The following SLC44A5 variants were observed in gnomAD, a reference collection of about 807,000 sequenced individuals.
SLC44A5 encodes choline transporter-like protein 5.
In SLC44A5, 57 loss-of-function variants were observed where a neutral mutation model predicts 101.8. The observed-to-expected ratio is 0.56, with a 90% CI of 0.45 to 0.70. The LOEUF (loss-of-function observed/expected upper bound fraction) is 0.70. Among genes scored for constraint, SLC44A5 ranks in the 30% least tolerant of loss-of-function variants. The pLI, the probability that SLC44A5 is intolerant of heterozygous loss-of-function variation, is 0.00. For synonymous variants in SLC44A5, 281 were observed against 290.9 expected (o/e 0.97, Z 0.35); for missense variants, 737 against 853.1 (o/e 0.86, Z 1.70).
chr1:75,635,598 T>C, the SLC44A5 span, among the ~76,000 whole-genome samples: 56 of 137,888 alleles, frequency 4.1e-4, no homozygotes, highest in South Asian at 6.8e-3. Context: ...TAGGTGGGAA[T>C]TGAACAATGA....
At chr1:75,641,839 A>G in the SLC44A5 span, 1 of 1,506,984 alleles carries the variant, frequency 6.6e-7, no homozygotes, top group South Asian at 1.1e-5. Flanking sequence ...GTTCCCTCAA[A>G]ATAACCTCCT....
intron 2 of SLC44A5, among the ~76,000 whole-genome samples, chr1:75,467,027 C>A (rs1188682632): frequency 1.3e-5 from 2 of 152,034 alleles, no homozygotes; most frequent in Admixed American, 1.3e-4. Context: ...GGTAACATTT[C>A]TATATGCCAA....
chr1:75,682,157 A>G, the SLC44A5 span, among the ~76,000 whole-genome samples: 2 of 152,338 alleles, frequency 1.3e-5, no homozygotes, highest in East Asian at 1.9e-4. Flanking sequence ...AAGAATCAAT[A>G]TCGTGAAAAT....
At chr1:75,406,132 G>C (rs1379730851) in intron 2 of SLC44A5, among the ~76,000 whole-genome samples, 1 of 152,030 alleles carries the variant, frequency 6.6e-6, no homozygotes, top group Non-Finnish European at 1.5e-5. Flanking sequence ...TAAATTCCTG[G>C]ACACATACAA....
chr1:75,311,004 A>G (rs896993236), intron 4 of SLC44A5, among the ~76,000 whole-genome samples: 2 of 152,088 alleles, frequency 1.3e-5, no homozygotes, highest in African/African-American at 4.8e-5. Flanking sequence ...GTATTAAAAT[A>G]TAAATTTTTA....
the SLC44A5 span, among the ~76,000 whole-genome samples, chr1:75,622,666 T>C: frequency 3.9e-5 from 6 of 152,082 alleles, no homozygotes; most frequent in East Asian, 1.9e-4. Context: ...TACATAGAGA[T>C]AGTTGTGTAT....
the SLC44A5 span, among the ~76,000 whole-genome samples, chr1:75,665,063 G>C: frequency 2.0e-5 from 3 of 151,888 alleles, no homozygotes; most frequent in South Asian, 6.2e-4. Flanking sequence ...ATGCTATTTC[G>C]ATCAAGCTAC....
At chr1:75,537,333 T>C (rs1479574868) in intron 2 of SLC44A5, among the ~76,000 whole-genome samples, 2 of 152,190 alleles carry the variant, frequency 1.3e-5, no homozygotes, top group Non-Finnish European at 1.5e-5. Flanking sequence ...CCCTCATCAG[T>C]TGAATAATAG....
chr1:75,271,908 G>T (rs1174354990), intron 6 of SLC44A5, among the ~76,000 whole-genome samples: 1 of 152,032 alleles, frequency 6.6e-6, no homozygotes, highest in East Asian at 1.9e-4. Context: ...TTCCATACTG[G>T]TTGTACTAAT....
chr1:75,330,509 T>C (rs1389283865), intron 4 of SLC44A5, among the ~76,000 whole-genome samples: 1 of 152,176 alleles, frequency 6.6e-6, no homozygotes, highest in Non-Finnish European at 1.5e-5. Flanking sequence ...CTGCTTCCAT[T>C]GTAGGCAAGA....
intron 2 of SLC44A5, among the ~76,000 whole-genome samples, chr1:75,509,096 G>C (rs914959988): frequency 6.6e-6 from 1 of 152,220 alleles, no homozygotes; most frequent in Non-Finnish European, 1.5e-5. Context: ...TTCAGAAGCA[G>C]TTGATTTTTC....
At chr1:75,693,805 G>T in the SLC44A5 span, among the ~76,000 whole-genome samples, 2 of 152,118 alleles carry the variant, frequency 1.3e-5, no homozygotes, top group Admixed American at 6.6e-5. Context: ...CCAGAAGGAG[G>T]AAGTGATCAG....
chr1:75,272,081 T>C (rs942011852), intron 6 of SLC44A5, among the ~76,000 whole-genome samples: 1 of 152,204 alleles, frequency 6.6e-6, no homozygotes, highest in African/African-American at 2.4e-5. Flanking sequence ...TTGGGCATTT[T>C]TTCATATGTT....
chr1:75,687,355 G>C, the SLC44A5 span, among the ~76,000 whole-genome samples: 1 of 152,202 alleles, frequency 6.6e-6, no homozygotes, highest in East Asian at 1.9e-4. Context: ...ACAGGCTGGA[G>C]TGCAGTGGCA....
At position 75,506,300 on chromosome 1, in the gene SLC44A5, G is replaced by A. The variant is rs1570472681; in HGVS notation, c.13+35135C>T. On this transcript the variant is annotated intron_variant, in intron 2 of 23. Coordinates refer to ENST00000370859, the MANE Select transcript of SLC44A5 (RefSeq NM_001130058.2). Reference sequence around the variant, plus strand: ...TGGATCATGTGATGCCTCAAGCTTTGTTCTTTTTGCTTAGGATTACTTTGG... The same window carrying A: ...TGGATCATGTGATGCCTCAAGCTTTATTCTTTTTGCTTAGGATTACTTTGG... Among the ~76,000 whole-genome samples the A allele has an allele frequency of 1.3e-5, 2 of 152,202 alleles. 1 individual carries two copies. Among genetic ancestry groups the A allele is most frequent in the African/African-American group, 4.8e-5 (2 of 41,546 alleles).
intron 2 of SLC44A5, among the ~76,000 whole-genome samples, chr1:75,534,100 G>C (rs1670870207): frequency 6.6e-6 from 1 of 152,134 alleles, no homozygotes; most frequent in African/African-American, 2.4e-5. Context: ...ACTCGAGACA[G>C]GCATTATCAA....
intron 5 of SLC44A5, among the ~76,000 whole-genome samples, chr1:75,282,337 T>C (rs1652673409): frequency 6.6e-6 from 1 of 152,230 alleles, no homozygotes; most frequent in Admixed American, 6.5e-5. Context: ...ATCCCTATTA[T>C]ATCTAGGAAG....
At chr1:75,308,781 TA>T (rs1299727541) in intron 4 of SLC44A5, among the ~76,000 whole-genome samples, 1 of 152,180 alleles carries the variant, frequency 6.6e-6, no homozygotes, top group Non-Finnish European at 1.5e-5. Flanking sequence ...AGAGTAGTGC[TA>T]AAAAATGTTT....
intron 2 of SLC44A5, among the ~76,000 whole-genome samples, chr1:75,407,491 T>C (rs550425270): frequency 1.7e-4 from 26 of 152,158 alleles, no homozygotes; most frequent in Admixed American, 3.9e-4. Context: ...CAAAACAGCA[T>C]GGTACTGGTA....
Sources: allele counts gnomAD v4.1 joint callset (sites outside exome capture counted in the v4.1 genomes callset), GRCh38; gene constraint gnomAD v4.1.1; transcripts MANE v1.5; gene names NCBI Gene and HGNC (gene_info 2026-07-23, HGNC 2026-07-21).